The following PRELID2 variants were observed in gnomAD, a reference collection of about 807,000 sequenced individuals.
PRELID2 encodes PRELI domain containing 2.
In PRELID2, 25 loss-of-function variants were observed where a neutral mutation model predicts 28.4. The ratio of observed to expected loss-of-function variants is 0.88; its 90% CI spans 0.64 to 1.23. PRELID2 has a LOEUF of 1.23. Ranked by LOEUF, PRELID2 falls within the 50% of genes most tolerant of loss-of-function variation. PRELID2 has a pLI of 0.00. For missense variants in PRELID2, 201 were observed against 214.4 expected, an observed-to-expected ratio of 0.94 and a Z score of 0.39; for synonymous variants, 76 against 71.6, an observed-to-expected ratio of 1.06 and a Z score of -0.31.
intron 1 of PRELID2, among the ~76,000 whole-genome samples, chr5:145,746,790 A>T (rs1282956054): frequency 6.6e-6 from 1 of 152,002 alleles, no homozygotes; most frequent in Non-Finnish European, 1.5e-5. Context: ...GAAGTAAAAA[A>T]CTCCTGAGCA....
intron 1 of PRELID2, among the ~76,000 whole-genome samples, chr5:145,558,579 CTA>C (rs1017625390): frequency 6.6e-6 from 1 of 152,194 alleles, no homozygotes; most frequent in African/African-American, 2.4e-5. Flanking sequence ...GGCTTTAGAA[CTA>C]TGTCTGAGAG....
intron 1 of PRELID2, among the ~76,000 whole-genome samples, chr5:145,532,129 C>G (rs1295582031): frequency 6.6e-6 from 1 of 152,058 alleles, no homozygotes; most frequent in Non-Finnish European, 1.5e-5. Flanking sequence ...TCTTGCCTTA[C>G]GTCTCTAATG....
chr5:145,594,636 T>C (rs1194116415), intron 1 of PRELID2, among the ~76,000 whole-genome samples: 1 of 152,196 alleles, frequency 6.6e-6, no homozygotes, highest in Non-Finnish European at 1.5e-5. Context: ...AAAGTAATTA[T>C]ATAGATGTAT....
Position 145,818,113 on chromosome 5 carries a change from T to A in PRELID2, c.208-59A>T, listed in dbSNP as rs1754502664. 3.2e-6 allele frequency: 5 copies of A among 1,548,980 alleles called. No individual in the cohort carries two copies. In the Admixed American group the frequency reaches 8.8e-5, roughly 27 times the overall value. On this transcript the variant is annotated intron_variant, in intron 3 of 6. Coordinates refer to ENST00000683046, the MANE Select transcript of PRELID2 (RefSeq NM_205846.3). Reference sequence around the variant, plus strand: ...TAGGAAGAGCAGGCAACATAATGACTGCATCCAGAGTTACTCTCAGTCTTG... The same window carrying A: ...TAGGAAGAGCAGGCAACATAATGACAGCATCCAGAGTTACTCTCAGTCTTG...
chr5:145,263,769 C>T, the PRELID2 span, among the ~76,000 whole-genome samples: 17 of 151,590 alleles, frequency 1.1e-4, no homozygotes, highest in Admixed American at 1.1e-3. Context: ...AAGATACAAC[C>T]GTTCTAGATT....
the PRELID2 span, among the ~76,000 whole-genome samples, chr5:145,293,829 T>C: frequency 6.6e-6 from 1 of 152,156 alleles, no homozygotes; most frequent in Non-Finnish European, 1.5e-5. Context: ...CTGGGATTAA[T>C]GTTAGCAGAC....
At chr5:145,546,085 T>C (rs1752785494) in intron 1 of PRELID2, among the ~76,000 whole-genome samples, 1 of 152,166 alleles carries the variant, frequency 6.6e-6, no homozygotes, top group African/African-American at 2.4e-5. Flanking sequence ...TTGCTAAATA[T>C]GCAGATTTCC....
the PRELID2 span, among the ~76,000 whole-genome samples, chr5:145,454,176 A>G: frequency 6.6e-6 from 1 of 152,188 alleles, no homozygotes; most frequent in Non-Finnish European, 1.5e-5. Context: ...GTGAGATGGC[A>G]TCTCATTATG....
the PRELID2 span, among the ~76,000 whole-genome samples, chr5:145,343,499 C>G: frequency 6.6e-6 from 1 of 150,900 alleles, no homozygotes; most frequent in Non-Finnish European, 1.5e-5. Context: ...ATGTCAAAAC[C>G]TGTGAGATAC....
the PRELID2 span, among the ~76,000 whole-genome samples, chr5:145,309,811 C>G: frequency 6.6e-6 from 1 of 152,066 alleles, no homozygotes; most frequent in East Asian, 1.9e-4. Flanking sequence ...AAATATGACT[C>G]CAACACCCAC....
chr5:145,414,333 G>A, the PRELID2 span, among the ~76,000 whole-genome samples: 1 of 152,272 alleles, frequency 6.6e-6, no homozygotes, highest in South Asian at 2.1e-4. Flanking sequence ...GGCTGCTCTT[G>A]TTGTAGCCAA....
intron 1 of PRELID2, among the ~76,000 whole-genome samples, chr5:145,662,120 G>A (rs961555234): frequency 7.9e-5 from 12 of 152,046 alleles, no homozygotes; most frequent in African/African-American, 2.9e-4. Flanking sequence ...ACTGTGAACA[G>A]ATCTTGACAG....
At chr5:145,367,857 T>TAC in the PRELID2 span, among the ~76,000 whole-genome samples, 55,474 of 151,606 alleles carry the variant, frequency 0.37, 10,682 homozygotes, top group East Asian at 0.74. Context: ...ACCTGCAACC[T>TAC]ACATCTTGAT....
rs1386120961 is a variant in PRELID2 at position 145,760,405 on chromosome 5, C to T, written c.*131G>A. 1 of 152,070 alleles carries T rather than the reference C, an allele frequency of 6.6e-6. No individual in the cohort carries two copies. The highest frequency in any genetic ancestry group is 2.1e-4 in the South Asian group (1 of 4,826). The allele number at this position is 152,070 out of a possible 1,614,324, so 9.4% of individuals were successfully genotyped here. On this transcript the variant is annotated 3_prime_UTR_variant, in exon 7 of 7. Transcript: ENST00000683046. ...GCAAGAAGGTCTTCTCTTCTTGAAG[C>T]TGCCAACACTGTATCCTCAAACCTG... is the stretch of plus-strand genomic sequence containing the variant.
At chr5:145,727,007 G>C (rs1440747604) in intron 1 of PRELID2, among the ~76,000 whole-genome samples, 1 of 152,174 alleles carries the variant, frequency 6.6e-6, no homozygotes, top group Non-Finnish European at 1.5e-5. Flanking sequence ...AGATAAAGTG[G>C]GTCCAGGGGG....
At chr5:145,231,670 C>T in the PRELID2 span, among the ~76,000 whole-genome samples, 1 of 152,052 alleles carries the variant, frequency 6.6e-6, no homozygotes, top group Admixed American at 6.6e-5. Context: ...GAATCCCCCA[C>T]ACTTATCTGA....
At chr5:145,296,674 C>T in the PRELID2 span, among the ~76,000 whole-genome samples, 10 of 152,222 alleles carry the variant, frequency 6.6e-5, no homozygotes, top group Admixed American at 6.5e-5. Context: ...GTCTATATAG[C>T]AGCATGATTT....
chr5:145,786,131 C>T (rs559302924), intron 5 of PRELID2, among the ~76,000 whole-genome samples: 146 of 152,084 alleles, frequency 9.6e-4, no homozygotes, highest in Non-Finnish European at 1.4e-3. Flanking sequence ...TGCAGCTGAC[C>T]CTCAGCAACC....
At chr5:145,286,428 T>C in the PRELID2 span, among the ~76,000 whole-genome samples, 8 of 151,938 alleles carry the variant, frequency 5.3e-5, no homozygotes, top group Non-Finnish European at 1.0e-4. Context: ...AATATGACAA[T>C]TCCACAGGGT....
Sources: allele counts gnomAD v4.1 joint callset (sites outside exome capture counted in the v4.1 genomes callset), GRCh38; gene constraint gnomAD v4.1.1; transcripts MANE v1.5; gene names NCBI Gene and HGNC (gene_info 2026-07-23, HGNC 2026-07-21).